THSD1: variants seen among roughly 807,000 people sequenced by gnomAD.
The protein encoded by THSD1 is thrombospondin type-1 domain-containing protein 1.
Under a neutral mutation model 46.3 loss-of-function variants are expected in THSD1, and 34 were observed. The ratio of observed to expected loss-of-function variants is 0.74; its 90% CI spans 0.56 to 0.98. THSD1 has a LOEUF of 0.98. THSD1 is among the 50% of genes least tolerant of loss of function. The pLI, the probability that THSD1 is intolerant of heterozygous loss-of-function variation, is 0.00. For missense variants in THSD1, 1,023 were observed against 1,058.3 expected (o/e 0.97, Z 0.46); for synonymous variants, 407 against 416.5 (o/e 0.98, Z 0.28).
At position 52,406,036 on chromosome 13, in the gene THSD1, G is replaced by A. The variant is rs1566077557; in HGVS notation, c.-87C>T. 1 of 152,268 alleles carries A rather than the reference G, an allele frequency of 6.6e-6. No homozygotes were observed. Among genetic ancestry groups the A allele is most frequent in the Admixed American group, 6.5e-5 (1 of 15,280 alleles). The allele number at this position is 152,268 out of a possible 1,614,324, so 9.4% of individuals were successfully genotyped here. A position where few individuals can be genotyped will look rare whatever the true frequency, so the allele number is the denominator to read the frequency against. ...ATGCGGAGGGCGCTTCTTACCTTTC[G>A]AGACTGACGGGCAGCAACCCCAGGC... is the stretch of plus-strand genomic sequence containing the variant. On this transcript the variant is annotated 5_prime_UTR_variant, in exon 1 of 5. Transcript: ENST00000258613.
chr13:52,400,067 T>C (rs930555828), intron 2 of THSD1: 7 of 151,486 alleles, frequency 4.6e-5, no homozygotes, highest in Non-Finnish European at 1.0e-4. Flanking sequence ...AGTTGGTATA[T>C]GACCCCCAAC....
chr13:52,400,471 G>A (rs571178866), intron 2 of THSD1, among the ~76,000 whole-genome samples: 3 of 152,030 alleles, frequency 2.0e-5, no homozygotes, highest in South Asian at 2.1e-4. Flanking sequence ...GGTGATGGGC[G>A]CCTGTAATCT....
rs892872427 is a variant in THSD1 at position 52,400,614 on chromosome 13, A to G, written c.58+1929T>C. ...GACTCCATCTCAAAAAAACAAACAAACAAACAAACAAAAAACTACAATTTG... is the reference window on the plus strand; with the variant it reads ...GACTCCATCTCAAAAAAACAAACAAGCAAACAAACAAAAAACTACAATTTG... On this transcript the variant is annotated intron_variant, in intron 2 of 4. Coordinates refer to ENST00000258613, the MANE Select transcript of THSD1 (RefSeq NM_018676.4). 2.0e-5 allele frequency among the ~76,000 whole-genome samples: 3 copies of G among 152,226 alleles called. No homozygotes were observed. The East Asian group carries it at 5.8e-4, about 29-fold the overall frequency.
chr13:52,383,746 A>G (rs1390254081), intron 4 of THSD1, among the ~76,000 whole-genome samples: 1 of 152,220 alleles, frequency 6.6e-6, no homozygotes, highest in Non-Finnish European at 1.5e-5. Flanking sequence ...AAGAATGGAA[A>G]ATAGGTTGAC....
At chr13:52,378,977 C>T (rs1374779364) in intron 4 of THSD1, among the ~76,000 whole-genome samples, 188 bp from the exon 5 acceptor site, 1 of 151,504 alleles carries the variant, frequency 6.6e-6, no homozygotes, top group Non-Finnish European at 1.5e-5. Context: ...ATTCTCCTGC[C>T]TCAGCCTCCC....
intron 3 of THSD1, among the ~76,000 whole-genome samples, chr13:52,390,447 A>G (rs558046281): frequency 7.9e-5 from 12 of 152,350 alleles, no homozygotes; most frequent in African/African-American, 2.9e-4. Flanking sequence ...ACAAACCAGT[A>G]TCCTGGACCA....
intron 2 of THSD1, among the ~76,000 whole-genome samples, chr13:52,400,875 A>C (rs1957852596): frequency 6.6e-6 from 1 of 152,192 alleles, no homozygotes. Context: ...TTAAATGGAG[A>C]ATTTCGATGC....
intron 4 of THSD1, 70 bp from the exon 5 acceptor site, chr13:52,378,859 T>C (rs1316057857): frequency 2.2e-6 from 3 of 1,381,886 alleles, no homozygotes; most frequent in Non-Finnish European, 1.9e-6. Context: ...TTACTTTTTC[T>C]TTTCTTTTTT....
At position 52,377,350 on chromosome 13, in the gene THSD1, A is replaced by T. The variant is rs1321002033; in HGVS notation, c.*61T>A. ...TGTCCTACGGTACAAATAGTTACAC[A>T]AAAGTCTACAAAACGCGAGTAGCAG... On this transcript the variant is annotated 3_prime_UTR_variant, in exon 5 of 5. Coordinates refer to ENST00000258613, the MANE Select transcript of THSD1 (RefSeq NM_018676.4). 1 of 1,461,516 alleles carries T rather than the reference A, an allele frequency of 6.8e-7. No individual in the cohort carries two copies. The highest frequency in any genetic ancestry group is 1.4e-5 in the African/African-American group (1 of 70,698). 90.5% of individuals were successfully genotyped at this position (1,461,516 alleles called of 1,614,324 possible).
Position 52,377,913 on chromosome 13 carries a change from C to T in THSD1, c.2057G>A (p.Arg686Gln), listed in dbSNP as rs758966109. The change falls in exon 5 of 5, where the codon CGG (arginine) becomes CAG (glutamine). Residue 686 changes from arginine to glutamine, a missense_variant. Arg to Gln is a conservative substitution (Grantham distance 43, BLOSUM62 1). Transcript: ENST00000258613. Reference protein sequence around the residue: ...RQAPAYSSRTRTCEQAEDRFR... With the variant: ...RQAPAYSSRTQTCEQAEDRFR... ...TCTGTCCTCTGCCTGCTCGCAGGTC[C>T]GCGTCCTAGAGCTGTAGGCAGGGGC... 3 of 1,614,040 alleles carry T rather than the reference C, an allele frequency of 1.9e-6. No individual in the cohort carries two copies. Among genetic ancestry groups the T allele is most frequent in the African/African-American group, 1.3e-5 (1 of 74,922 alleles).
At position 52,377,760 on chromosome 13, in the gene THSD1, T is replaced by C; in HGVS notation, c.2210A>G (p.Lys737Arg). The C allele has an allele frequency of 6.2e-7, 1 of 1,614,108 alleles. No individual in the cohort carries two copies. Residue 737 changes from lysine to arginine, a missense_variant, in exon 5 of 5, where the codon AAA (lysine) becomes AGA (arginine). By Grantham distance (26) the Lys-to-Arg change is conservative. Transcript: ENST00000258613. The part of the protein sequence containing the change: ...KSYTLGQPLR[K>R]PDLGDHQAGL... Reference sequence around the variant, plus strand: ...TGCCTGGTGATCCCCAAGGTCTGGTTTCCTCAAGGGCTGCCCCAAAGTGTA... The same window carrying C: ...TGCCTGGTGATCCCCAAGGTCTGGTCTCCTCAAGGGCTGCCCCAAAGTGTA...
At chr13:52,380,141 A>G (rs760987546) in intron 4 of THSD1, among the ~76,000 whole-genome samples, 10 of 151,862 alleles carry the variant, frequency 6.6e-5, no homozygotes, top group Non-Finnish European at 1.3e-4. Flanking sequence ...CGGTCATCAA[A>G]ATGTTTCATC....
intron 1 of THSD1, among the ~76,000 whole-genome samples, chr13:52,403,766 C>A (rs1349268483): frequency 6.6e-6 from 1 of 152,028 alleles, no homozygotes; most frequent in Non-Finnish European, 1.5e-5. Context: ...GCGTAAGCCA[C>A]CGCACCCGGC....
chr13:52,399,249 AAAGAATAGACACAC>A (rs1352870128), intron 2 of THSD1, among the ~76,000 whole-genome samples: 1 of 152,244 alleles, frequency 6.6e-6, no homozygotes. Flanking sequence ...TGAAAAGTGC[AAAGAATAGACACAC>A]AAGAATCCTT....
At chr13:52,390,074 G>A (rs975026110) in intron 3 of THSD1, among the ~76,000 whole-genome samples, 2 of 151,108 alleles carry the variant, frequency 1.3e-5, no homozygotes, top group African/African-American at 2.4e-5. Flanking sequence ...AGGGGAAGTC[G>A]AGGCTTCAGT....
chr13:52,378,647 C>A lies in THSD1; in HGVS notation c.1323G>T (p.Arg441=). The change falls in exon 5 of 5, where the codon CGG becomes CGT. Residue 441 remains arginine (R), a synonymous_variant. Coordinates refer to ENST00000258613, the MANE Select transcript of THSD1 (RefSeq NM_018676.4). ...VLITLWRRFG[R]PAKCSTPARH... is the part of the protein sequence containing the mutation. ...GAGCAGGTGTGCTGCACTTGGCTGGCCGGCCGAACCTCCTCCACAGCGTGA... is the reference window on the plus strand; with the variant it reads ...GAGCAGGTGTGCTGCACTTGGCTGGACGGCCGAACCTCCTCCACAGCGTGA... 1.3e-5 allele frequency: 21 copies of A among 1,614,050 alleles called. No individual in the cohort carries two copies. The highest frequency in any genetic ancestry group is 1.8e-5 in the Non-Finnish European group (21 of 1,180,018).
intron 1 of THSD1, among the ~76,000 whole-genome samples, chr13:52,403,199 A>G (rs1285177574): frequency 6.6e-6 from 1 of 152,172 alleles, no homozygotes; most frequent in African/African-American, 2.4e-5. Flanking sequence ...ATCAATTCCT[A>G]GGAGCTACAT....
intron 1 of THSD1, 43 bp downstream of exon 1, chr13:52,405,988 G>A (rs1331856757): frequency 2.0e-5 from 3 of 152,240 alleles, no homozygotes; most frequent in African/African-American, 7.2e-5. Flanking sequence ...CAAGAGTCTC[G>A]CGGCACGGGC....
chr13:52,378,554 G>C lies in THSD1; in HGVS notation c.1416C>G (p.Ser472Arg). The C allele has an allele frequency of 1.2e-6, 2 of 1,614,134 alleles. No homozygotes were observed. Among genetic ancestry groups the C allele is most frequent in the Non-Finnish European group, 1.7e-6 (2 of 1,180,030 alleles). ...CATCCGAGAAGCTCCCGCGCTGCTC[G>C]CTCAGCTCGCAGATATTCTCCTCGT... ...NSDEENICEL[S>R]EQRGSFSDGG... Residue 472 changes from serine to arginine, a missense_variant, in exon 5 of 5, where the codon AGC becomes AGG. This residue lies in a region of THSD1 where 578 missense variants were observed against 497.4 expected (regional missense o/e 1.16). Coordinates refer to ENST00000258613, the MANE Select transcript of THSD1 (RefSeq NM_018676.4).
Sources: allele counts gnomAD v4.1 joint callset (sites outside exome capture counted in the v4.1 genomes callset), GRCh38; gene constraint gnomAD v4.1.1; regional missense constraint gnomAD v4.1.1; transcripts MANE v1.5; gene names NCBI Gene and HGNC (gene_info 2026-07-23, HGNC 2026-07-21).